Variants in CENPK observed in about 807,000 individuals in gnomAD.
CENPK encodes the protein SoxLZ/Sox6-binding protein Solt.
Under a neutral mutation model 40.9 loss-of-function variants are expected in CENPK, and 46 were observed. That is an observed-to-expected ratio of 1.13 (90% confidence interval 0.89 to 1.44). The LOEUF (loss-of-function observed/expected upper bound fraction) is 1.44, where lower values mean the gene tolerates loss of function less well. Ranked by LOEUF, CENPK falls within the 40% of genes most tolerant of loss-of-function variation. The pLI is 0.00. For synonymous variants in CENPK, 107 were observed against 104.4 expected (o/e 1.02, Z -0.15); for missense variants, 288 against 303.5 (o/e 0.95, Z 0.38).
At chr5:65,551,729 C>A in intron 4 of CENPK, 93 bp from the exon 5 acceptor site, 1 of 631,130 alleles carries the variant, frequency 1.6e-6, no homozygotes. Flanking sequence ...TAAAACTTTG[C>A]AGGGGGGTGG....
In CENPK at chr5:65,521,508, AG is replaced by A; in HGVS notation, c.617del (p.Ser206LeufsTer2). The A allele has an allele frequency of 6.2e-7, 1 of 1,608,868 alleles. No homozygotes were observed. The highest frequency in any genetic ancestry group is 8.5e-7 in the Non-Finnish European group (1 of 1,176,378). ...KKKKKNIQES[S>X]VNLITLHEML... ...TTTCATGCAGTGTTATCAGGTTTAC[AG>A]ATGATTCTTGAATGTTTTTCTTCAA... On this transcript the variant is annotated frameshift_variant, in exon 10 of 11. Transcript: ENST00000396679. LOFTEE classifies it high-confidence loss of function.
chr5:65,528,816 A>T (rs1299537370), intron 8 of CENPK, 103 bp downstream of exon 8: 1 of 907,972 alleles, frequency 1.1e-6, no homozygotes, highest in Non-Finnish European at 1.6e-6. Flanking sequence ...AGTTAGGGCA[A>T]GACTCCTGAT....
At chr5:65,549,328 T>C (rs1371778612) in intron 5 of CENPK, among the ~76,000 whole-genome samples, 8 of 151,948 alleles carry the variant, frequency 5.3e-5, no homozygotes, top group African/African-American at 1.9e-4. Context: ...ACAGGCAGAG[T>C]AGATTTGGTA....
intron 4 of CENPK, among the ~76,000 whole-genome samples, chr5:65,552,149 C>T (rs186212351): frequency 2.8e-4 from 42 of 151,944 alleles, no homozygotes; most frequent in Admixed American, 2.6e-3. Context: ...TTGGTAGCGA[C>T]GGGGTTTTGC....
intron 10 of CENPK, among the ~76,000 whole-genome samples, chr5:65,520,152 T>C (rs1743451180): frequency 1.3e-5 from 2 of 152,202 alleles, no homozygotes; most frequent in Non-Finnish European, 2.9e-5. Context: ...CCCTTGGTGC[T>C]GTCCTCATGA....
chr5:65,539,566 A>G (rs548165947), intron 6 of CENPK, among the ~76,000 whole-genome samples: 2 of 152,330 alleles, frequency 1.3e-5, no homozygotes, highest in South Asian at 4.1e-4. Context: ...TTCAAGGCCC[A>G]CTAGGGTGCA....
intron 6 of CENPK, among the ~76,000 whole-genome samples, chr5:65,539,984 T>A (rs1162543744): frequency 1.3e-5 from 2 of 152,212 alleles, no homozygotes; most frequent in Non-Finnish European, 2.9e-5. Flanking sequence ...TCCCACAGAC[T>A]CCTGTAGCCC....
intron 9 of CENPK, among the ~76,000 whole-genome samples, chr5:65,525,457 T>C (rs1314578115): frequency 6.6e-6 from 1 of 152,194 alleles, no homozygotes; most frequent in Non-Finnish European, 1.5e-5. Context: ...TATTTATGGT[T>C]CTATATGTAT....
chr5:65,517,189 C>G (rs1229874228), downstream of CENPK, among the ~76,000 whole-genome samples: 3 of 152,148 alleles, frequency 2.0e-5, no homozygotes, highest in African/African-American at 4.8e-5. Context: ...GTGATCCGCC[C>G]ACCTCGGCCT....
chr5:65,543,169 G>C (rs1450126859), intron 5 of CENPK, among the ~76,000 whole-genome samples: 1 of 152,122 alleles, frequency 6.6e-6, no homozygotes, highest in Non-Finnish European at 1.5e-5. Context: ...TCATCATGTT[G>C]GCCAAGCCAG....
intron 2 of CENPK, among the ~76,000 whole-genome samples, chr5:65,559,227 C>T (rs867146444): frequency 6.6e-6 from 1 of 152,184 alleles, no homozygotes; most frequent in Non-Finnish European, 1.5e-5. Flanking sequence ...GACTGAAAGA[C>T]CCACATTGTA....
chr5:65,506,448 G>A, the CENPK span, among the ~76,000 whole-genome samples: 6 of 150,884 alleles, frequency 4.0e-5, no homozygotes, highest in Non-Finnish European at 7.4e-5. Flanking sequence ...CAGGAGTTCA[G>A]GGCCAGCCTG....
intron 5 of CENPK, among the ~76,000 whole-genome samples, chr5:65,544,433 G>A (rs994933977): frequency 4.6e-5 from 7 of 152,232 alleles, no homozygotes; most frequent in Admixed American, 3.9e-4. Flanking sequence ...GTGCACTGTC[G>A]GTGGGATTGA....
chr5:65,500,319 C>T, the CENPK span, among the ~76,000 whole-genome samples: 1 of 128,816 alleles, frequency 7.8e-6, no homozygotes, highest in Admixed American at 8.3e-5. Context: ...TCCACATCCT[C>T]TCCAGCCCCT....
chr5:65,539,609 G>T (rs1014529659), intron 6 of CENPK, among the ~76,000 whole-genome samples: 10 of 152,222 alleles, frequency 6.6e-5, no homozygotes, highest in African/African-American at 2.2e-4. Flanking sequence ...TGCTGAGCAG[G>T]TGTTTGGGGA....
chr5:65,557,547 A>G (rs1275668324), intron 2 of CENPK, among the ~76,000 whole-genome samples: 1 of 152,220 alleles, frequency 6.6e-6, no homozygotes, highest in East Asian at 1.9e-4. Flanking sequence ...AGATCAACAT[A>G]AAGTCCATGA....
chr5:65,517,896 T>G lies in CENPK; in HGVS notation c.*579A>C, dbSNP rs1460556343. ...TAATATATAAGGTAACATGATATATTAATAATACAAACTAAAATATCAATT... is the reference window on the plus strand; with the variant it reads ...TAATATATAAGGTAACATGATATATGAATAATACAAACTAAAATATCAATT... On this transcript the variant is annotated 3_prime_UTR_variant, in exon 11 of 11. Transcript: ENST00000396679. 6.6e-6 allele frequency: 1 copy of G among 152,074 alleles called. No individual in the cohort carries two copies. Among genetic ancestry groups the G allele is most frequent in the Non-Finnish European group, 1.5e-5 (1 of 67,958 alleles). The allele number at this position is 152,074 out of a possible 1,614,324, so 9.4% of individuals were successfully genotyped here.
downstream of CENPK, among the ~76,000 whole-genome samples, chr5:65,512,963 T>TGAAA (rs1742629041): frequency 6.6e-6 from 1 of 152,176 alleles, no homozygotes; most frequent in South Asian, 2.1e-4. Context: ...GCTTATTTGC[T>TGAAA]ATCTATATAT....
At chr5:65,498,805 C>A in the CENPK span, among the ~76,000 whole-genome samples, 1 of 151,532 alleles carries the variant, frequency 6.6e-6, no homozygotes, top group Non-Finnish European at 1.5e-5. Flanking sequence ...TACAGGCACA[C>A]GACACCACGC....
Sources: gnomAD v4.1 joint callset for allele counts (sites outside exome capture counted in the v4.1 genomes callset) on GRCh38, gnomAD v4.1.1 for gene constraint, MANE v1.5 for transcripts, NCBI Gene and HGNC (gene_info 2026-07-23, HGNC 2026-07-21) for gene names.